The following CPT1C variants were observed in gnomAD, a reference collection of about 807,000 sequenced individuals.
CPT1C encodes carnitine palmitoyltransferase 1C.
A neutral mutation model predicts 97.3 loss-of-function variants in CPT1C; 61 were observed. That is an observed-to-expected ratio of 0.63 (90% confidence interval 0.51 to 0.78). The LOEUF is 0.78. Among genes scored for constraint, CPT1C ranks in the 30% least tolerant of loss-of-function variants. CPT1C has a pLI of 0.00. For synonymous variants in CPT1C, 469 were observed against 447.2 expected (o/e 1.05, Z -0.61); for missense variants, 975 against 1,065.5 (o/e 0.92, Z 1.18).
At chr19:49,712,456 A>G (rs527805465) in intron 17 of CPT1C, 138 of 456,400 alleles carry the variant, frequency 3.0e-4, no homozygotes, top group Non-Finnish European at 2.5e-4. Flanking sequence ...ACGGGAGCAG[A>G]CAAAAGGGGA....
chr19:49,705,232 C>A lies in CPT1C; in HGVS notation c.898C>A (p.Arg300Ser), dbSNP rs1026684162. 29 of 1,614,070 alleles carry A rather than the reference C, an allele frequency of 1.8e-5. No homozygotes were observed. The highest frequency in any genetic ancestry group is 2.4e-5 in the Non-Finnish European group (28 of 1,179,968). The change falls in exon 10 of 20, where the codon CGC becomes AGC. Residue 300 changes from arginine (R) to serine (S), a missense_variant. By Grantham distance (110) the Arg-to-Ser change is moderately radical. Transcript: ENST00000598293. Reference sequence around the variant, plus strand: ...CCTGCAGACTTTGCTGATGGGAATGCGCCCCTTATGCTCTGCCCAGTACGA... The same window carrying A: ...CCTGCAGACTTTGCTGATGGGAATGAGCCCCTTATGCTCTGCCCAGTACGA... ...EIPPTLLMGM[R>S]PLCSAQYEKI... is the part of the protein sequence containing the mutation.
At chr19:49,702,982 C>A (rs551426035) in intron 7 of CPT1C, among the ~76,000 whole-genome samples, 1 of 152,002 alleles carries the variant, frequency 6.6e-6, no homozygotes, top group East Asian at 1.9e-4. Context: ...GCGAAGGGGA[C>A]GAAATATCTG....
In CPT1C at chr19:49,706,356, C is replaced by T. The variant is rs368513098; in HGVS notation, c.1286C>T (p.Pro429Leu). ...AEPAGLTREDPAASLDAYAHA... is the reference protein window; with the variant it reads ...AEPAGLTREDLAASLDAYAHA... ...CCCGCGGGGCTCACCAGGGAGGACC[C>T]GGCAGCGTCGTTGGATGCCTACGCC... Residue 429 changes from proline (P) to leucine (L), a missense_variant, in exon 12 of 20, where the codon CCG (proline) becomes CTG (leucine). Physicochemically the swap from Pro to Leu is moderately conservative, Grantham distance 98. Coordinates refer to ENST00000598293, the MANE Select transcript of CPT1C (RefSeq NM_001199753.2). The surrounding 1 kb of genome is among the most constrained non-coding windows in gnomAD (Gnocchi z 4.8). 23 of 1,510,520 alleles carry T rather than the reference C, an allele frequency of 1.5e-5. No individual in the cohort carries two copies. Among genetic ancestry groups the T allele is most frequent in the Admixed American group, 1.3e-4 (5 of 39,584 alleles). The allele number at this position is 1,510,520 out of a possible 1,614,324, so 93.6% of individuals were successfully genotyped here.
chr19:49,691,461 A>G lies in CPT1C; in HGVS notation c.-84+121A>G, dbSNP rs369433205. ...GCTCGCCTCCGCTCACAGCCTCAGC[A>G]TCCCAGGCTGCGAGGCATGCGCAGT... On this transcript the variant is annotated intron_variant, in intron 1 of 19. Coordinates refer to ENST00000598293, the MANE Select transcript of CPT1C (RefSeq NM_001199753.2). 4.6e-5 allele frequency: 7 copies of G among 152,174 alleles called. 1 individual carries two copies. In the East Asian group the frequency reaches 1.4e-3, roughly 29 times the overall value. The allele number at this position is 152,174 out of a possible 1,614,324, so 9.4% of individuals were successfully genotyped here.
chr19:49,705,126 C>T lies in CPT1C; in HGVS notation c.879+12C>T, dbSNP rs747560763. 4 of 1,613,690 alleles carry T rather than the reference C, an allele frequency of 2.5e-6. No individual in the cohort carries two copies. Among genetic ancestry groups the T allele is most frequent in the East Asian group, 4.5e-5 (2 of 44,880 alleles). On this transcript the variant is annotated intron_variant, in intron 9 of 19. Transcript: ENST00000598293. ...AGGAGATACCCCCGGTGAGAGGGCC[C>T]CAGTGGGTTAGGGATGGAGGTGTGG...
chr19:49,695,171 C>T (rs946700281), intron 3 of CPT1C, among the ~76,000 whole-genome samples: 18 of 151,572 alleles, frequency 1.2e-4, no homozygotes, highest in Admixed American at 4.6e-4. Context: ...CCATCCTTTT[C>T]GTGTGTTTAA....
rs1217261016 is a variant in CPT1C, at chr19:49,703,595, C to CCCTTCCTTCCTTCCTTCCTTCCTT, written c.694-1113_694-1090dup. Among the ~76,000 whole-genome samples, 13 of 75,836 alleles carry CCCTTCCTTCCTTCCTTCCTTCCTT rather than the reference C, an allele frequency of 1.7e-4. No individual in the cohort carries two copies. The East Asian group carries it at 3.7e-3, about 22-fold the overall frequency. The allele number at this position is 75,836 out of a possible 152,430, so 49.8% of individuals were successfully genotyped here. A position where few individuals can be genotyped will look rare whatever the true frequency, so the allele number is the denominator to read the frequency against. On this transcript the variant is annotated intron_variant, in intron 7 of 19. Coordinates refer to ENST00000598293, the MANE Select transcript of CPT1C (RefSeq NM_001199753.2). ...TCCCTCCCTCCCTCCCTCCCTCCCT[C>CCCTTCCTTCCTTCCTTCCTTCCTT]CCTTCCTTCCTTCCTTCCTTCCTTC...
chr19:49,691,400 T>C (rs1599965952), intron 1 of CPT1C, 60 bp downstream of exon 1: 1 of 151,392 alleles, frequency 6.6e-6, no homozygotes, highest in South Asian at 2.1e-4. Flanking sequence ...GTGTCTAGGG[T>C]TGGGCGTGCA....
intron 19 of CPT1C, 115 bp from the exon 20 acceptor site, chr19:49,713,305 G>C: frequency 1.9e-6 from 2 of 1,029,312 alleles, no homozygotes; most frequent in Non-Finnish European, 2.9e-6. Flanking sequence ...CGGGAGTCCA[G>C]GCCCCAGCTC....
At chr19:49,703,671 C>A (rs1056005355) in intron 7 of CPT1C, among the ~76,000 whole-genome samples, 4 of 148,296 alleles carry the variant, frequency 2.7e-5, no homozygotes, top group African/African-American at 9.9e-5. Context: ...CTCACTCTGT[C>A]ACCCAGGCTG....
intron 15 of CPT1C, 39 bp downstream of exon 15, chr19:49,710,523 C>G (rs757554571): frequency 1.1e-5 from 18 of 1,612,968 alleles, no homozygotes; most frequent in Admixed American, 1.7e-5. Flanking sequence ...CGCAGGGTCT[C>G]AGTCCACCTG....
At chr19:49,694,522 G>C (rs1268908529) in intron 3 of CPT1C, among the ~76,000 whole-genome samples, 1 of 151,594 alleles carries the variant, frequency 6.6e-6, no homozygotes, top group South Asian at 2.1e-4. Flanking sequence ...ACAGCTACCT[G>C]GGAGGCTGAG....
At chr19:49,690,675 C>T (rs2082316170), upstream of CPT1C, 1 of 564,050 alleles carries the variant, frequency 1.8e-6, no homozygotes. This position sits in a 1 kb window ranked among gnomAD's most constrained non-coding sequence, Gnocchi z 4.4. Context: ...ACGGAAGTCC[C>T]ACTGTCTACC....
chr19:49,712,700 C>G (rs200917939), intron 17 of CPT1C, 36 bp from the exon 18 acceptor site: 7 of 1,502,168 alleles, frequency 4.7e-6, no homozygotes, highest in Non-Finnish European at 6.5e-6. Flanking sequence ...AACTGCAGAT[C>G]TCTGTCCTGC....
In CPT1C at chr19:49,706,005, C is replaced by T; in HGVS notation, c.1061C>T (p.Ser354Phe). The T allele has an allele frequency of 1.9e-6, 3 of 1,614,072 alleles. No individual in the cohort carries two copies. The highest frequency in any genetic ancestry group is 2.2e-5 in the East Asian group (1 of 44,880). The change falls in exon 11 of 20, where the codon TCC becomes TTC. Residue 354 changes from serine to phenylalanine, a missense_variant. By Grantham distance (155) the Ser-to-Phe change is radical. Around this residue, in one of 3 missense-constraint regions of CPT1C, gnomAD observed 596 missense variants for 603.1 expected, o/e 0.99. Coordinates refer to ENST00000598293, the MANE Select transcript of CPT1C (RefSeq NM_001199753.2). The surrounding 1 kb of genome is among the most constrained non-coding windows in gnomAD (Gnocchi z 4.8). ...ACCCACTCCCGAAACAGCCTGCTTT[C>T]CCCGAGAGCCCTGGAGCAGCAGTTT... Reference protein sequence around the residue: ...MGTHSRNSLLSPRALEQQFQR... With the variant: ...MGTHSRNSLLFPRALEQQFQR...
chr19:49,692,174 G>T (rs2082390169), intron 2 of CPT1C, 65 bp from the exon 3 acceptor site: 5 of 1,554,248 alleles, frequency 3.2e-6, no homozygotes, highest in Non-Finnish European at 4.4e-6. Flanking sequence ...GGGGCTGGGG[G>T]CCTGGACTCC....
chr19:49,704,351 T>C (rs1238703499), intron 7 of CPT1C, among the ~76,000 whole-genome samples: 1 of 152,196 alleles, frequency 6.6e-6, no homozygotes. Flanking sequence ...TTTGTATTTT[T>C]AGTAGAGACA....
At chr19:49,703,086 C>T (rs1185467027) in intron 7 of CPT1C, among the ~76,000 whole-genome samples, 1 of 151,718 alleles carries the variant, frequency 6.6e-6, no homozygotes, top group Non-Finnish European at 1.5e-5. Flanking sequence ...CACACACACA[C>T]ACACACACAC....
At chr19:49,703,472 T>C (rs963863616) in intron 7 of CPT1C, among the ~76,000 whole-genome samples, 30 of 151,278 alleles carry the variant, frequency 2.0e-4, no homozygotes, top group African/African-American at 7.0e-4. Flanking sequence ...AGTGTTGGGA[T>C]TTACAGGCGT....
Sources: gnomAD v4.1 joint callset for allele counts (sites outside exome capture counted in the v4.1 genomes callset) on GRCh38, gnomAD v4.1.1 for gene constraint, gnomAD v4.1.1 regional missense constraint, Gnocchi (gnomAD v3.1) non-coding constraint, MANE v1.5 for transcripts, NCBI Gene and HGNC (gene_info 2026-07-23, HGNC 2026-07-21) for gene names.